Variants in TAFA2 observed in about 807,000 individuals in gnomAD.
TAFA2 encodes chemokine-like protein TAFA-2.
In TAFA2, 7 loss-of-function variants were observed where a neutral mutation model predicts 18.8. The observed-to-expected ratio is 0.37, with a 90% CI of 0.21 to 0.70. TAFA2 has a LOEUF of 0.70. Ranked by LOEUF, TAFA2 falls within the 30% of genes least tolerant of loss-of-function variation. The pLI is 0.53. For synonymous variants in TAFA2, 60 were observed against 54.2 expected (o/e 1.11, Z -0.47); for missense variants, 122 against 158.1 (o/e 0.77, Z 1.23).
At chr12:61,816,428 G>A (rs1049169662) in intron 2 of TAFA2, among the ~76,000 whole-genome samples, 1 of 151,274 alleles carries the variant, frequency 6.6e-6, no homozygotes, top group Non-Finnish European at 1.5e-5. Context: ...GTCATTGATG[G>A]GCATTTAGGT....
At chr12:62,088,262 C>G (rs779805376) in intron 1 of TAFA2, among the ~76,000 whole-genome samples, 1 of 151,896 alleles carries the variant, frequency 6.6e-6, no homozygotes, top group Non-Finnish European at 1.5e-5. Context: ...TCACATTCCT[C>G]TTTCCATCCC....
chr12:61,969,533 A>C (rs1879174018), intron 1 of TAFA2, among the ~76,000 whole-genome samples: 1 of 151,722 alleles, frequency 6.6e-6, no homozygotes, highest in Non-Finnish European at 1.5e-5. Flanking sequence ...TCATTGTGTA[A>C]GAGGGCAATG....
At chr12:62,232,337 C>T (rs1420191840) in intron 1 of TAFA2, among the ~76,000 whole-genome samples, 1 of 152,210 alleles carries the variant, frequency 6.6e-6, no homozygotes, top group Non-Finnish European at 1.5e-5. Flanking sequence ...CACCCTCACT[C>T]TAATCTAATC....
At chr12:61,903,027 T>G (rs899583946) in intron 1 of TAFA2, among the ~76,000 whole-genome samples, 1 of 152,158 alleles carries the variant, frequency 6.6e-6, no homozygotes, top group Non-Finnish European at 1.5e-5. Context: ...AACGCTGACC[T>G]TCACTTCAAC....
At chr12:62,057,055 A>T (rs1258813299) in intron 1 of TAFA2, among the ~76,000 whole-genome samples, 1 of 152,160 alleles carries the variant, frequency 6.6e-6, no homozygotes, top group African/African-American at 2.4e-5. Flanking sequence ...TGGAATACTG[A>T]AATTATTTGT....
Position 61,815,710 on chromosome 12 carries a change from T to A in TAFA2, c.106+51610A>T, listed in dbSNP as rs775583661. The stretch of plus-strand genomic sequence containing the variant: ...TTGAATCTATTTATTGGGGGCTCAA[T>A]ATAAAGGTAAGAGTTGGAGACATGA... On this transcript the variant is annotated intron_variant, in intron 2 of 4. Transcript: ENST00000416284. Among the ~76,000 whole-genome samples, 154 of 150,500 alleles carry A rather than the reference T, an allele frequency of 1.0e-3. 2 individuals carry two copies. Among genetic ancestry groups the A allele is most frequent in the Non-Finnish European group, 2.2e-4 (15 of 67,820 alleles).
intron 1 of TAFA2, among the ~76,000 whole-genome samples, chr12:62,201,928 G>A (rs1042987830): frequency 3.9e-5 from 6 of 152,080 alleles, no homozygotes; most frequent in African/African-American, 1.2e-4. Context: ...CCTTTTATTG[G>A]TCTATTTAGG....
rs539943066 is a variant in TAFA2 at position 62,099,522 on chromosome 12, C to A, written c.-2+91737G>T. Among the ~76,000 whole-genome samples, 7 of 152,244 alleles carry A rather than the reference C, an allele frequency of 4.6e-5. No individual in the cohort carries two copies. In the East Asian group the frequency reaches 7.7e-4, roughly 17 times the overall value. On this transcript the variant is annotated intron_variant, in intron 1 of 4. Transcript: ENST00000416284. ...TGCAGGCTTTTGGCAATATTTAGAA[C>A]ATTCAAAGTTTATAATTACTGAGTT...
intron 1 of TAFA2, among the ~76,000 whole-genome samples, chr12:61,885,011 G>C (rs1194910283): frequency 6.6e-6 from 1 of 151,604 alleles, no homozygotes; most frequent in African/African-American, 2.4e-5. Flanking sequence ...TCTACTGTAG[G>C]AAGCATCTAA....
intron 1 of TAFA2, among the ~76,000 whole-genome samples, chr12:61,948,082 G>T (rs980146206): frequency 6.6e-6 from 1 of 151,892 alleles, no homozygotes; most frequent in Non-Finnish European, 1.5e-5. Context: ...ACTTTGAAAA[G>T]TTTCTTTCAT....
chr12:62,046,155 G>C (rs2136766843), intron 1 of TAFA2, among the ~76,000 whole-genome samples: 1 of 152,198 alleles, frequency 6.6e-6, no homozygotes, highest in African/African-American at 2.4e-5. Context: ...AATTAGGACT[G>C]GATCCAAAAG....
intron 4 of TAFA2, among the ~76,000 whole-genome samples, chr12:61,740,310 A>G (rs552866717): frequency 6.6e-6 from 1 of 152,048 alleles, no homozygotes; most frequent in East Asian, 2.0e-4. Flanking sequence ...GGTGGGGGGG[A>G]ATATCACACA....
At chr12:62,119,410 G>C (rs1191498506) in intron 1 of TAFA2, among the ~76,000 whole-genome samples, 2 of 152,040 alleles carry the variant, frequency 1.3e-5, no homozygotes, top group African/African-American at 4.8e-5. Context: ...TCTCAACAAG[G>C]CATATTTAAA....
intron 1 of TAFA2, among the ~76,000 whole-genome samples, chr12:62,095,201 G>A (rs1868896336): frequency 6.6e-6 from 1 of 152,046 alleles, no homozygotes; most frequent in Non-Finnish European, 1.5e-5. Context: ...AGAATGCTAT[G>A]ATAAGAGTAA....
chr12:61,871,685 T>G (rs2121233275), intron 1 of TAFA2, among the ~76,000 whole-genome samples: 1 of 152,294 alleles, frequency 6.6e-6, no homozygotes, highest in African/African-American at 2.4e-5. Flanking sequence ...GACTGACGAT[T>G]AAATCTCCTG....
chr12:62,108,311 A>G (rs1346768561), intron 1 of TAFA2, among the ~76,000 whole-genome samples: 1 of 152,214 alleles, frequency 6.6e-6, no homozygotes, highest in African/African-American at 2.4e-5. Context: ...TGCAAAGGAC[A>G]TGAACTCATC....
At chr12:61,905,438 T>A (rs574865662) in intron 1 of TAFA2, among the ~76,000 whole-genome samples, 2 of 152,318 alleles carry the variant, frequency 1.3e-5, no homozygotes, top group African/African-American at 4.8e-5. Flanking sequence ...CAATGAGGAT[T>A]CAAATTAAAT....
At chr12:61,710,917 ATATT>A (rs1869372393) in intron 4 of TAFA2, among the ~76,000 whole-genome samples, 1 of 46,058 alleles carries the variant, frequency 2.2e-5, no homozygotes, top group Admixed American at 1.9e-4. Flanking sequence ...TGAGTCAATT[ATATT>A]TGAAAAATTA....
intron 1 of TAFA2, among the ~76,000 whole-genome samples, chr12:62,142,817 T>C (rs1483013114): frequency 6.6e-6 from 1 of 152,230 alleles, no homozygotes; most frequent in East Asian, 1.9e-4. Context: ...GATAATTTCT[T>C]TAATGTTTAA....
Sources: allele counts gnomAD v4.1 joint callset (sites outside exome capture counted in the v4.1 genomes callset), GRCh38; gene constraint gnomAD v4.1.1; transcripts MANE v1.5; gene names NCBI Gene and HGNC (gene_info 2026-07-23, HGNC 2026-07-21).